Variants in OXR1 observed in about 807,000 individuals in gnomAD.
The protein encoded by OXR1 is oxidation resistance 1, also known as oxidation resistance protein 1.
In OXR1, 41 loss-of-function variants were observed where a neutral mutation model predicts 104.6. The observed-to-expected ratio is 0.39, with a 90% confidence interval of 0.31 to 0.51. OXR1 has a LOEUF of 0.51. OXR1 is among the 20% of genes least tolerant of loss of function. OXR1 has a pLI of 0.77. For missense variants in OXR1, 955 were observed against 1,031.9 expected (o/e 0.93, Z 1.02); for synonymous variants, 348 against 348.4 (o/e 1.00, Z 0.01).
chr8:106,572,699 C>G (rs998482714), intron 3 of OXR1, among the ~76,000 whole-genome samples: 1 of 152,124 alleles, frequency 6.6e-6, no homozygotes, highest in Non-Finnish European at 1.5e-5. Context: ...TATCCAATAA[C>G]GTTTTCTTCA....
At chr8:106,293,100 T>G (rs1415044375) in intron 1 of OXR1, among the ~76,000 whole-genome samples, 1 of 152,182 alleles carries the variant, frequency 6.6e-6, no homozygotes, top group Non-Finnish European at 1.5e-5. Flanking sequence ...CACAGAAGAT[T>G]TACTGATGGA....
chr8:106,403,311 G>A (rs190916273), intron 2 of OXR1, among the ~76,000 whole-genome samples: 4 of 152,312 alleles, frequency 2.6e-5, no homozygotes, highest in African/African-American at 9.6e-5. Flanking sequence ...TGCTGCTTTG[G>A]CACTTCTGTC....
chr8:106,652,209 C>T (rs2131018192), intron 3 of OXR1, among the ~76,000 whole-genome samples: 1 of 152,120 alleles, frequency 6.6e-6, no homozygotes, highest in East Asian at 1.9e-4. Context: ...GCTGAGTAGG[C>T]ATTTACTAAA....
chr8:106,732,149 G>A (rs1015262717), intron 11 of OXR1, among the ~76,000 whole-genome samples: 7 of 151,900 alleles, frequency 4.6e-5, no homozygotes, highest in African/African-American at 1.2e-4. Context: ...AATATAAATG[G>A]TATTCTTTTT....
chr8:106,533,496 A>C (rs1321640696), intron 3 of OXR1, among the ~76,000 whole-genome samples: 1 of 152,170 alleles, frequency 6.6e-6, no homozygotes, highest in African/African-American at 2.4e-5. Flanking sequence ...GGTATCTATT[A>C]GTTTTTGCAC....
chr8:106,347,925 T>G (rs533370170), intron 1 of OXR1, among the ~76,000 whole-genome samples: 68 of 152,340 alleles, frequency 4.5e-4, no homozygotes, highest in African/African-American at 1.4e-3. Flanking sequence ...AACATGAGTT[T>G]TCTGATGAAC....
chr8:106,564,576 C>A (rs569835242), intron 3 of OXR1, among the ~76,000 whole-genome samples: 9 of 152,246 alleles, frequency 5.9e-5, no homozygotes, highest in African/African-American at 2.2e-4. Context: ...TGGTACCATT[C>A]CTTCTGAAAC....
chr8:106,677,300 C>A (rs192657283), intron 3 of OXR1, among the ~76,000 whole-genome samples: 1 of 152,000 alleles, frequency 6.6e-6, no homozygotes, highest in South Asian at 2.1e-4. Flanking sequence ...AAAATAAATT[C>A]TTTAAAACTT....
intron 3 of OXR1, among the ~76,000 whole-genome samples, chr8:106,589,180 G>A (rs1818884459): frequency 6.6e-6 from 1 of 152,146 alleles, no homozygotes; most frequent in African/African-American, 2.4e-5. Flanking sequence ...TCTACTGGGT[G>A]GTGAGCTGGC....
intron 2 of OXR1, among the ~76,000 whole-genome samples, chr8:106,457,785 G>A (rs1441966557): frequency 6.6e-6 from 1 of 152,164 alleles, no homozygotes; most frequent in Non-Finnish European, 1.5e-5. Context: ...CTGAAGGAAA[G>A]GCCATCCTTC....
chr8:106,472,766 G>A (rs974856860), intron 2 of OXR1, among the ~76,000 whole-genome samples: 3 of 151,754 alleles, frequency 2.0e-5, no homozygotes, highest in Non-Finnish European at 4.4e-5. Context: ...TCAGTGTCCA[G>A]TGGTTCTATT....
intron 2 of OXR1, among the ~76,000 whole-genome samples, chr8:106,517,652 G>A (rs1812947560): frequency 1.3e-5 from 2 of 152,068 alleles, no homozygotes; most frequent in Non-Finnish European, 2.9e-5. Context: ...CACTGTGGTG[G>A]GTGTGGTGTG....
At position 106,642,288 on chromosome 8, in the gene OXR1, A is replaced by G. The variant is rs75358738; in HGVS notation, c.221-36922A>G. ...TTGGTAGTAACCTTACAGGAATCATAGTGTATTTTTGACAGTTATACTCCC... is the reference window on the plus strand; with the variant it reads ...TTGGTAGTAACCTTACAGGAATCATGGTGTATTTTTGACAGTTATACTCCC... On this transcript the variant is annotated intron_variant, in intron 3 of 16. Coordinates refer to ENST00000517566, the MANE Select transcript of OXR1 (RefSeq NM_001198533.2). 1.2e-3 allele frequency among the ~76,000 whole-genome samples: 184 copies of G among 152,322 alleles called. 2 individuals carry two copies. In the East Asian group the frequency reaches 0.033, roughly 27 times the overall value.
At chr8:106,279,916 C>T (rs1196065430) in intron 1 of OXR1, among the ~76,000 whole-genome samples, 1 of 152,072 alleles carries the variant, frequency 6.6e-6, no homozygotes, top group African/African-American at 2.4e-5. Flanking sequence ...GGATAATATC[C>T]CAGTGCTGGA....
At chr8:106,424,727 C>T (rs913788387) in intron 2 of OXR1, among the ~76,000 whole-genome samples, 2 of 152,100 alleles carry the variant, frequency 1.3e-5, no homozygotes, top group Non-Finnish European at 2.9e-5. Flanking sequence ...AAGGTCTTAT[C>T]TCCACTAGCA....
In OXR1 at chr8:106,710,861, A is replaced by C. The variant is rs973456252; in HGVS notation, c.1793+71A>C. The C allele has an allele frequency of 1.1e-5, 10 of 941,390 alleles. 1 individual carries two copies. Among genetic ancestry groups the C allele is most frequent in the Middle Eastern group, 2.4e-4 (1 of 4,198 alleles). 58.3% of individuals were successfully genotyped at this position (941,390 alleles called of 1,614,324 possible). On this transcript the variant is annotated intron_variant, in intron 10 of 16. Coordinates refer to ENST00000517566, the MANE Select transcript of OXR1 (RefSeq NM_001198533.2). ...GAACTAAAATTATTTTGTGTGTCAA[A>C]ATACCAATGATAAACTATTGAAACA...
At chr8:106,581,127 A>C in intron 3 of OXR1, 2 of 1,261,990 alleles carry the variant, frequency 1.6e-6, no homozygotes, top group Non-Finnish European at 2.0e-6. Context: ...AGACTTAAAG[A>C]TTTAGAATTT....
At chr8:106,744,758 G>A (rs1835237902) in intron 15 of OXR1, among the ~76,000 whole-genome samples, 1 of 152,110 alleles carries the variant, frequency 6.6e-6, no homozygotes, top group African/African-American at 2.4e-5. Context: ...AGTATCTCGG[G>A]CACATTGGAG....
intron 3 of OXR1, among the ~76,000 whole-genome samples, chr8:106,616,906 A>G (rs1042322132): frequency 1.3e-5 from 2 of 152,134 alleles, no homozygotes; most frequent in Non-Finnish European, 2.9e-5. Context: ...GTCTGTTCTC[A>G]ATGGTTGTGA....
Sources: allele counts gnomAD v4.1 joint callset (sites outside exome capture counted in the v4.1 genomes callset), GRCh38; gene constraint gnomAD v4.1.1; transcripts MANE v1.5; gene names NCBI Gene and HGNC (gene_info 2026-07-23, HGNC 2026-07-21).